Variants in LRCH4 observed in about 807,000 individuals in gnomAD.
The protein encoded by LRCH4 is leucine-rich repeat and calponin homology domain-containing protein 4.
LRCH4 carries 56 observed loss-of-function variants against 81.2 expected under a neutral mutation model. The observed-to-expected ratio is 0.69, with a 90% CI of 0.56 to 0.86. LRCH4 has a LOEUF of 0.86. Ranked by LOEUF, LRCH4 falls within the 40% of genes least tolerant of loss-of-function variation. LRCH4 has a pLI of 0.00. For synonymous variants in LRCH4, 442 were observed against 409.7 expected, an observed-to-expected ratio of 1.08 and a Z score of -0.95; for missense variants, 895 against 922.8, an observed-to-expected ratio of 0.97 and a Z score of 0.39.
intron 4 of LRCH4, chr7:100,580,611 A>G (rs1459039242): frequency 6.6e-6 from 1 of 152,072 alleles, no homozygotes; most frequent in South Asian, 2.1e-4. Context: ...CACAACAGAC[A>G]TAAACACAAA....
At chr7:100,576,213 C>CCACGCAGCTCCCGCCTCTGCT (rs1801353479) in intron 15 of LRCH4, 25 bp downstream of exon 15, 1 of 1,610,230 alleles carries the variant, frequency 6.2e-7, no homozygotes, top group Non-Finnish European at 8.5e-7. Context: ...AGGCCCCTGC[C>CCACGCAGCTCCCGCCTCTGCT]CACGCAGCTC....
At chr7:100,579,083 C>A in intron 4 of LRCH4, 1 of 427,054 alleles carries the variant, frequency 2.3e-6, no homozygotes, top group East Asian at 4.4e-5. Context: ...CTCATCTCCT[C>A]GCCTGCCCAC....
At chr7:100,584,978 C>T (rs560078768) in intron 1 of LRCH4, 11 of 357,270 alleles carry the variant, frequency 3.1e-5, no homozygotes, top group South Asian at 2.3e-4. Flanking sequence ...TGAGGCTTGA[C>T]TCACCTGTCA....
intron 1 of LRCH4, chr7:100,584,846 T>A (rs995168581): frequency 4.6e-5 from 21 of 451,922 alleles, no homozygotes; most frequent in Non-Finnish European, 8.0e-5. Flanking sequence ...TCCCCCACCG[T>A]GCAGATGAGA....
At chr7:100,581,966 C>T in intron 3 of LRCH4, 75 bp downstream of exon 3, 2 of 1,603,930 alleles carry the variant, frequency 1.2e-6, no homozygotes, top group Non-Finnish European at 1.7e-6. Flanking sequence ...TGCTCCAGGC[C>T]CTCCCCAACC....
Position 100,577,329 on chromosome 7 carries a change from C to T in LRCH4, c.1239G>A (p.Glu413=). ...TCTGCTGCTGCTGCCGCCGTTCCCG[C>T]TCCTGCCACAGCTGCAAGGTGTCCG... ...RRPDTLQLWQ[E]RERRQQQQSG... Residue 413 remains glutamate, a synonymous_variant, in exon 11 of 18, where the codon GAG becomes GAA. Transcript: ENST00000310300. The surrounding 1 kb of genome is among the most constrained non-coding windows in gnomAD (Gnocchi z 6.7). The T allele has an allele frequency of 1.3e-6, 2 of 1,599,052 alleles. No homozygotes were observed. Among genetic ancestry groups the T allele is most frequent in the Non-Finnish European group, 1.7e-6 (2 of 1,179,048 alleles).
chr7:100,582,270 C>G lies in LRCH4; in HGVS notation c.365+45G>C. 1.9e-6 allele frequency: 3 copies of G among 1,613,906 alleles called. No homozygotes were observed. The highest frequency in any genetic ancestry group is 2.5e-6 in the Non-Finnish European group (3 of 1,179,982). ...GTGGGTCACTCAGTAGTACTTGAGACTGAGAAGCACACGCTCCCACGTGGC... is the reference window on the plus strand; with the variant it reads ...GTGGGTCACTCAGTAGTACTTGAGAGTGAGAAGCACACGCTCCCACGTGGC... On this transcript the variant is annotated intron_variant, in intron 2 of 17. Transcript: ENST00000310300. The surrounding 1 kb of genome is among the most constrained non-coding windows in gnomAD (Gnocchi z 5.0).
Position 100,578,072 on chromosome 7 carries a change from T to C in LRCH4, c.948+87A>G. The C allele has an allele frequency of 7.1e-7, 1 of 1,413,264 alleles. No homozygotes were observed. The allele number at this position is 1,413,264 out of a possible 1,614,324, so 87.5% of individuals were successfully genotyped here. On this transcript the variant is annotated intron_variant, in intron 7 of 17. Transcript: ENST00000310300. This position sits in a 1 kb window ranked among gnomAD's most constrained non-coding sequence, Gnocchi z 5.7. Reference sequence around the variant, plus strand: ...GAAGAGGACAGCTCCAGCCTCTGCCTGGCACCCTGCAATTTGGAGGTCCCC... The same window carrying C: ...GAAGAGGACAGCTCCAGCCTCTGCCCGGCACCCTGCAATTTGGAGGTCCCC...
At chr7:100,576,110 C>T (rs1801350146) in intron 15 of LRCH4, 102 bp from the exon 16 acceptor site, 3 of 1,479,830 alleles carry the variant, frequency 2.0e-6, no homozygotes, top group Non-Finnish European at 2.8e-6. Context: ...TGTGCCTGTC[C>T]CTTCCTGTCC....
Position 100,577,392 on chromosome 7 carries a change from G to A in LRCH4, c.1179-3C>T, listed in dbSNP as rs1584405012. The A allele has an allele frequency of 1.2e-6, 2 of 1,600,100 alleles. No individual in the cohort carries two copies. Among genetic ancestry groups the A allele is most frequent in the African/African-American group, 2.7e-5 (2 of 75,042 alleles). The stretch of plus-strand genomic sequence containing the variant: ...CCTCCCCTGCCGGCTCCTCCCGCCT[G>A]AGGGACCAAGACAGGGCAAGAGGGG... On this transcript the variant is annotated splice_polypyrimidine_tract_variant and splice_region_variant and intron_variant, in intron 10 of 17. Transcript: ENST00000310300. This position sits in a 1 kb window ranked among gnomAD's most constrained non-coding sequence, Gnocchi z 6.7.
chr7:100,577,304 TCTG>T lies in LRCH4; in HGVS notation c.1261_1263del (p.Gln421del), dbSNP rs763157567. On this transcript the variant is annotated inframe_deletion, in exon 11 of 18. Transcript: ENST00000310300. The surrounding 1 kb of genome is among the most constrained non-coding windows in gnomAD (Gnocchi z 6.7). ...TTCCTCGGGGCCCCCCACGCCCCGC[TCTG>T]CTGCTGCTGCCGCCGTTCCCGCTCC... The T allele has an allele frequency of 1.3e-6, 2 of 1,597,674 alleles. No homozygotes were observed.
rs977455442 is a variant in LRCH4 at position 100,577,571 on chromosome 7, C to G, written c.1117-13G>C. 2 of 1,611,332 alleles carry G rather than the reference C, an allele frequency of 1.2e-6. No homozygotes were observed. The highest frequency in any genetic ancestry group is 1.7e-5 in the Admixed American group (1 of 60,024). On this transcript the variant is annotated splice_polypyrimidine_tract_variant and intron_variant, in intron 9 of 17. Coordinates refer to ENST00000310300, the MANE Select transcript of LRCH4 (RefSeq NM_002319.5). This position sits in a 1 kb window ranked among gnomAD's most constrained non-coding sequence, Gnocchi z 6.7. ...GTGGTCGCTGCTCCTAAGGAGAGAACAGCAGAGCAGCTGAGGGCAGGCCTG... is the reference window on the plus strand; with the variant it reads ...GTGGTCGCTGCTCCTAAGGAGAGAAGAGCAGAGCAGCTGAGGGCAGGCCTG...
intron 4 of LRCH4, chr7:100,580,404 T>TCACACACACACACACACA (rs60848197): frequency 2.2e-5 from 3 of 137,794 alleles, no homozygotes; most frequent in Non-Finnish European, 4.7e-5. Flanking sequence ...CATACACACA[T>TCACACACACACACACACA]CACACACACA....
At position 100,578,540 on chromosome 7, in the gene LRCH4, G is replaced by T; in HGVS notation, c.736-29C>A. ...TGTGCGGGGCAGCACACGCCAGGGA[G>T]TTGGCAGGGAGGGCAGCTCCCCGGA... On this transcript the variant is annotated intron_variant, in intron 5 of 17. Coordinates refer to ENST00000310300, the MANE Select transcript of LRCH4 (RefSeq NM_002319.5). The surrounding 1 kb of genome is among the most constrained non-coding windows in gnomAD (Gnocchi z 5.7). 3 of 1,605,988 alleles carry T rather than the reference G, an allele frequency of 1.9e-6. No individual in the cohort carries two copies. The highest frequency in any genetic ancestry group is 1.7e-6 in the Non-Finnish European group (2 of 1,174,682).
Position 100,582,863 on chromosome 7 carries a change from C to T in LRCH4, c.221-404G>A, listed in dbSNP as rs71555287. ...GTAAGGCGAGGGGCTGGGGGGCTCC[C>T]GGAGGGAAGATGGGAAACCCCTGGG... is the stretch of plus-strand genomic sequence containing the variant. On this transcript the variant is annotated intron_variant, in intron 1 of 17. Transcript: ENST00000310300. The surrounding 1 kb of genome is among the most constrained non-coding windows in gnomAD (Gnocchi z 5.0). Among the ~76,000 whole-genome samples the T allele has an allele frequency of 0.021, 3,144 of 152,138 alleles. 55 individuals carry two copies. Among genetic ancestry groups the T allele is most frequent in the Non-Finnish European group, 0.034 (2,297 of 67,978 alleles).
rs1207898154 is a variant in LRCH4 at position 100,577,664 on chromosome 7, C to T, written c.1116G>A (p.Glu372=). 6.2e-7 allele frequency: 1 copy of T among 1,613,710 alleles called. No homozygotes were observed. Among genetic ancestry groups the T allele is most frequent in the East Asian group, 2.2e-5 (1 of 44,880 alleles). ...GGGAGAGGCATAGCTGGGCTCTCAC[C>T]TCCACAGTGCCTCGCTCTTCATCCT... ...PGEDEERGTV[E]EQRPPELSPG... is the part of the protein sequence containing the mutation. Residue 372 remains glutamate, a splice_region_variant and synonymous_variant, in exon 9 of 18, where the codon GAG becomes GAA. Coordinates refer to ENST00000310300, the MANE Select transcript of LRCH4 (RefSeq NM_002319.5). The surrounding 1 kb of genome is among the most constrained non-coding windows in gnomAD (Gnocchi z 6.7).
rs934725406 is a variant in LRCH4 at position 100,584,216 on chromosome 7, T to C, written c.220+1665A>G. 1.1e-5 allele frequency: 5 copies of C among 456,414 alleles called. No individual in the cohort carries two copies. In the Admixed American group the frequency reaches 1.2e-4, roughly 11 times the overall value. 28.3% of individuals were successfully genotyped at this position (456,414 alleles called of 1,614,324 possible). A position where few individuals can be genotyped will look rare whatever the true frequency, so the allele number is the denominator to read the frequency against. ...GGAGGGCAGGGTATGGGCAACTGTA[T>C]GTTTTTGTCACTTCCCCTTTCTGTC... On this transcript the variant is annotated intron_variant, in intron 1 of 17. Transcript: ENST00000310300.
intron 4 of LRCH4, 92 bp downstream of exon 4, chr7:100,581,685 G>C (rs1447342260): frequency 9.6e-7 from 1 of 1,041,654 alleles, no homozygotes; most frequent in African/African-American, 1.6e-5. Flanking sequence ...CCATGTATAA[G>C]CTACCCGGTC....
At position 100,576,249 on chromosome 7, in the gene LRCH4, G is replaced by C; in HGVS notation, c.1627C>G (p.Gln543Glu). The C allele has an allele frequency of 6.2e-7, 1 of 1,614,060 alleles. No homozygotes were observed. Among genetic ancestry groups the C allele is most frequent in the Non-Finnish European group, 8.5e-7 (1 of 1,179,978 alleles). Reference protein sequence around the residue: ...QVPDEKDLMTQLRQVLESRLQ... With the variant: ...QVPDEKDLMTELRQVLESRLQ... The stretch of plus-strand genomic sequence containing the variant: ...CCGCCTCTGCTCACCTGGCGCAGCT[G>C]AGTCATTAAGTCCTTCTCATCTGGA... Residue 543 changes from glutamine to glutamate, a missense_variant, in exon 15 of 18, where the codon CAG becomes GAG. Gln to Glu is a conservative substitution (Grantham distance 29, BLOSUM62 2). Transcript: ENST00000310300.
Sources: allele counts gnomAD v4.1 joint callset (sites outside exome capture counted in the v4.1 genomes callset), GRCh38; gene constraint gnomAD v4.1.1; non-coding constraint Gnocchi (gnomAD v3.1); transcripts MANE v1.5; gene names NCBI Gene and HGNC (gene_info 2026-07-23, HGNC 2026-07-21).